Variants in CHEK1 observed in about 807,000 individuals in gnomAD.
CHEK1 encodes serine/threonine-protein kinase Chk1.
In CHEK1, 32 loss-of-function variants were observed where a neutral mutation model predicts 60.2. The observed-to-expected ratio is 0.53, with a 90% CI of 0.40 to 0.71. The LOEUF is 0.71. Ranked by LOEUF, CHEK1 falls within the 30% of genes least tolerant of loss-of-function variation. The pLI, the probability that CHEK1 is intolerant of heterozygous loss-of-function variation, is 0.00. For missense variants in CHEK1, 399 were observed against 564.6 expected (o/e 0.71, Z 2.97); for synonymous variants, 179 against 187.2 (o/e 0.96, Z 0.36).
chr11:125,627,646 C>T lies in CHEK1; in HGVS notation c.105C>T (p.Val35=), dbSNP rs1447578195. The T allele has an allele frequency of 1.2e-6, 2 of 1,613,544 alleles. No individual in the cohort carries two copies. The highest frequency in any genetic ancestry group is 8.5e-7 in the Non-Finnish European group (1 of 1,179,814). Residue 35 remains valine, a synonymous_variant, in exon 3 of 13, where the codon GTC becomes GTT. Coordinates refer to ENST00000438015, the MANE Select transcript of CHEK1 (RefSeq NM_001114122.3). The part of the protein sequence containing the change: ...LAVNRVTEEA[V]AVKIVDMKRA... ...TGAATAGAGTAACTGAAGAAGCAGTCGCAGTGAAGATTGTAGATATGAAGC... is the reference window on the plus strand; with the variant it reads ...TGAATAGAGTAACTGAAGAAGCAGTTGCAGTGAAGATTGTAGATATGAAGC...
At chr11:125,679,363 G>A (rs1293224197), downstream of CHEK1, among the ~76,000 whole-genome samples, 1 of 151,794 alleles carries the variant, frequency 6.6e-6, no homozygotes, top group Non-Finnish European at 1.5e-5. Flanking sequence ...GATTACAGGT[G>A]CATGCCACCA....
At chr11:125,646,590 A>T (rs781212796) in intron 11 of CHEK1, among the ~76,000 whole-genome samples, 1 of 152,204 alleles carries the variant, frequency 6.6e-6, no homozygotes, top group Non-Finnish European at 1.5e-5. Flanking sequence ...CGTTCCCATC[A>T]GTAATGTAAG....
rs546895061 is a variant in CHEK1, at chr11:125,625,915, G to T, written c.-118G>T. On this transcript the variant is annotated 5_prime_UTR_variant, in exon 1 of 13. Transcript: ENST00000438015. The stretch of plus-strand genomic sequence containing the variant: ...GGAACGCGCGCTGTCTTGCTTTACG[G>T]CGCGGGTGCGCGAGTTTGCGGCAGC... The T allele has an allele frequency of 1.4e-6, 1 of 702,660 alleles. No individual in the cohort carries two copies. Among genetic ancestry groups the T allele is most frequent in the African/African-American group, 1.7e-5 (1 of 57,406 alleles). The allele number at this position is 702,660 out of a possible 1,614,324, so 43.5% of individuals were successfully genotyped here. A position where few individuals can be genotyped will look rare whatever the true frequency, so the allele number is the denominator to read the frequency against.
chr11:125,665,454 A>C (rs1942082664), intron 13 of CHEK1, among the ~76,000 whole-genome samples: 1 of 151,932 alleles, frequency 6.6e-6, no homozygotes, highest in African/African-American at 2.4e-5. Flanking sequence ...TTTATGTTAC[A>C]TCTTTGCCTG....
chr11:125,664,110 A>T (rs536574060), intron 13 of CHEK1, among the ~76,000 whole-genome samples: 67 of 152,250 alleles, frequency 4.4e-4, no homozygotes, highest in African/African-American at 1.4e-3. Context: ...GCCTTGCAGT[A>T]TAGTTTGAAG....
At chr11:125,634,392 G>A (rs1940984398) in intron 6 of CHEK1, among the ~76,000 whole-genome samples, 2 of 151,844 alleles carry the variant, frequency 1.3e-5, no homozygotes, top group African/African-American at 4.8e-5. Flanking sequence ...CACAATTCAA[G>A]GCTCACTGCA....
intron 6 of CHEK1, among the ~76,000 whole-genome samples, chr11:125,634,996 C>T (rs544460694): frequency 1.3e-5 from 2 of 149,958 alleles, no homozygotes; most frequent in African/African-American, 2.5e-5. Flanking sequence ...CTTGCTCTGT[C>T]GCCCAGGCTG....
intron 13 of CHEK1, chr11:125,672,832 A>T: frequency 7.8e-7 from 1 of 1,281,566 alleles, no homozygotes; most frequent in Non-Finnish European, 1.1e-6. Context: ...CTTGTCCATT[A>T]TCCCTTCTCT....
chr11:125,635,269 A>G (rs1293844509), intron 6 of CHEK1, among the ~76,000 whole-genome samples, 160 bp from the exon 7 acceptor site: 1 of 152,154 alleles, frequency 6.6e-6, no homozygotes, highest in Non-Finnish European at 1.5e-5. Context: ...TGATTCATCT[A>G]TCTTTGAAGT....
intron 13 of CHEK1, chr11:125,671,546 T>C (rs1014043770): frequency 2.6e-5 from 4 of 152,312 alleles, no homozygotes; most frequent in African/African-American, 9.6e-5. Context: ...ATGTTGAAAT[T>C]TTAAATTTTA....
At chr11:125,642,913 A>G (rs1485181728) in intron 8 of CHEK1, 1 of 152,142 alleles carries the variant, frequency 6.6e-6, no homozygotes, top group Non-Finnish European at 1.5e-5. Context: ...CCTTGTGGAG[A>G]AAAGGAAAGG....
At chr11:125,640,036 C>T (rs949572053) in intron 8 of CHEK1, among the ~76,000 whole-genome samples, 4 of 152,188 alleles carry the variant, frequency 2.6e-5, no homozygotes, top group African/African-American at 9.7e-5. Flanking sequence ...CTCCACTTTT[C>T]CCTACCATTC....
chr11:125,644,482 T>G (rs748727491), intron 10 of CHEK1, 30 bp from the exon 11 acceptor site: 2 of 1,607,540 alleles, frequency 1.2e-6, no homozygotes, highest in Non-Finnish European at 1.7e-6. Flanking sequence ...CCTAATGGAT[T>G]TATTCATTTG....
At position 125,635,382 on chromosome 11, in the gene CHEK1, T is replaced by C. The variant is rs1310354727; in HGVS notation, c.614-47T>C. 4 of 1,139,418 alleles carry C rather than the reference T, an allele frequency of 3.5e-6. No individual in the cohort carries two copies. The African/African-American group carries it at 6.4e-5, about 18-fold the overall frequency. 70.6% of individuals were successfully genotyped at this position (1,139,418 alleles called of 1,614,324 possible). ...TATATTATTATTTTTCCTTGAAATC[T>C]TTATAATAAGAACATTTAAAAAAAC... On this transcript the variant is annotated intron_variant, in intron 6 of 12. Transcript: ENST00000438015.
chr11:125,660,587 ATACT>A (rs1941994210), downstream of CHEK1, among the ~76,000 whole-genome samples: 1 of 152,006 alleles, frequency 6.6e-6, no homozygotes, highest in South Asian at 2.1e-4. Flanking sequence ...ATACTGATAC[ATACT>A]TGTCATATCT....
intron 11 of CHEK1, among the ~76,000 whole-genome samples, chr11:125,647,044 G>A (rs3731464): frequency 0.047 from 7,180 of 152,220 alleles, 212 homozygotes; most frequent in Middle Eastern, 0.088. Flanking sequence ...GTTGCCTGAT[G>A]TAAGATTGTA....
At chr11:125,665,869 C>CTTTTTTTTTT (rs66560397) in intron 13 of CHEK1, among the ~76,000 whole-genome samples, 101 of 30,524 alleles carry the variant, frequency 3.3e-3, no homozygotes, top group Non-Finnish European at 3.8e-3. Flanking sequence ...CTTCATTCCC[C>CTTTTTTTTTT]TTTTTTTTTT....
intron 11 of CHEK1, chr11:125,649,898 A>G (rs1210700505): frequency 1.3e-5 from 2 of 152,322 alleles, no homozygotes; most frequent in South Asian, 2.1e-4. Flanking sequence ...TTATGCCACT[A>G]CTGCCTTCTA....
chr11:125,670,263 G>A (rs1304244236), intron 13 of CHEK1, among the ~76,000 whole-genome samples: 3 of 152,066 alleles, frequency 2.0e-5, no homozygotes, highest in Non-Finnish European at 4.4e-5. Context: ...TTACATTCTT[G>A]AATGTATCTT....
Sources: allele counts gnomAD v4.1 joint callset (sites outside exome capture counted in the v4.1 genomes callset), GRCh38; gene constraint gnomAD v4.1.1; transcripts MANE v1.5; gene names NCBI Gene and HGNC (gene_info 2026-07-23, HGNC 2026-07-21).